Variants in HAMP observed in about 807,000 individuals in gnomAD.
The protein encoded by HAMP is hepcidin.
In HAMP, 5 loss-of-function variants were observed where a neutral mutation model predicts 7.8. The observed-to-expected ratio is 0.64, with a 90% CI of 0.33 to 1.34. The LOEUF (loss-of-function observed/expected upper bound fraction) is 1.34, where lower values mean the gene tolerates loss of function less well. Ranked by LOEUF, HAMP falls within the 40% of genes most tolerant of loss-of-function variation. HAMP has a pLI of 0.05. For missense variants in HAMP, 105 were observed against 104.1 expected (o/e 1.01, Z -0.04); for synonymous variants, 52 against 38.6 (o/e 1.35, Z -1.28).
chr19:35,283,167 C>T (rs938203985), intron 1 of HAMP: 9 of 213,642 alleles, frequency 4.2e-5, no homozygotes, highest in East Asian at 1.1e-4. Flanking sequence ...GGAACCCCTA[C>T]GCCGTGTGGA....
chr19:35,284,440 GTC>G, intron 1 of HAMP: 3 of 404,740 alleles, frequency 7.4e-6, no homozygotes, highest in Non-Finnish European at 1.4e-5. Flanking sequence ...GGAAGACTCT[GTC>G]TAAAAAACAA....
chr19:35,284,538 A>G lies in HAMP; in HGVS notation c.91-251A>G, dbSNP rs7251432. 281,814 of 581,420 alleles carry G rather than the reference A, an allele frequency of 0.48. 71,257 individuals carry two copies. The highest frequency in any genetic ancestry group is 0.53 in the Non-Finnish European group (171,976 of 325,692). 36.0% of individuals were successfully genotyped at this position (581,420 alleles called of 1,614,324 possible). A position where few individuals can be genotyped will look rare whatever the true frequency, so the allele number is the denominator to read the frequency against. ...TGTTAGGAGGCTGGCACTGGCATCC[A>G]GGCAGGGGAAGGTGATATCCCAAAG... On this transcript the variant is annotated intron_variant, in intron 1 of 2. Coordinates refer to ENST00000222304, the MANE Select transcript of HAMP (RefSeq NM_021175.4).
intron 1 of HAMP, 107 bp downstream of exon 1, chr19:35,282,774 T>G (rs1450907758): frequency 1.1e-6 from 1 of 883,214 alleles, no homozygotes; most frequent in Non-Finnish European, 1.9e-6. Flanking sequence ...GCTCAGGACG[T>G]CTCAGGAGTA....
intron 1 of HAMP, chr19:35,282,903 G>T (rs1203399228): frequency 9.9e-6 from 5 of 504,080 alleles, no homozygotes; most frequent in African/African-American, 9.7e-5. Context: ...TGGCCAACAT[G>T]GTAAAACCCC....
intron 1 of HAMP, chr19:35,283,221 T>C: frequency 8.6e-5 from 15 of 174,354 alleles, no homozygotes; most frequent in South Asian, 6.6e-4. Context: ...ACAAGGTAGA[T>C]GAGAGAGGAG....
chr19:35,284,826 C>T lies in HAMP; in HGVS notation c.128C>T (p.Ala43Val), dbSNP rs145850917. The change falls in exon 2 of 3, where the codon GCT (alanine) becomes GTT (valine). Residue 43 changes from alanine to valine, a missense_variant. By Grantham distance (64) the Ala-to-Val change is moderately conservative. Transcript: ENST00000222304. ...QLAELQPQDR[A>V]GARASWMPMF... Reference sequence around the variant, plus strand: ...GCAGAGCTGCAACCCCAGGACAGAGCTGGAGCCAGGGCCAGCTGGATGGTG... The same window carrying T: ...GCAGAGCTGCAACCCCAGGACAGAGTTGGAGCCAGGGCCAGCTGGATGGTG... The T allele has an allele frequency of 2.1e-5, 34 of 1,613,894 alleles. No homozygotes were observed. In the African/African-American group the frequency reaches 4.3e-4, roughly 20 times the overall value.
chr19:35,283,815 G>A (rs1428673402), intron 1 of HAMP: 2 of 149,194 alleles, frequency 1.3e-5, no homozygotes, highest in Admixed American at 1.3e-4. Flanking sequence ...TTTTTTCTGA[G>A]ATAGGGTCTC....
chr19:35,285,038 C>G lies in HAMP; in HGVS notation c.251C>G (p.Thr84Arg). ...HRSKCGMCCK[T>R] is the part of the protein sequence containing the mutation. ...TCAAAGTGTGGGATGTGCTGCAAGA[C>G]GTAGAACCTACCTGCCCTGCCCCCG... is the stretch of plus-strand genomic sequence containing the variant. Residue 84 changes from threonine (T) to arginine (R), a missense_variant, in exon 3 of 3, where the codon ACG becomes AGG. Transcript: ENST00000222304. The G allele has an allele frequency of 6.2e-7, 1 of 1,602,996 alleles. No individual in the cohort carries two copies. Among genetic ancestry groups the G allele is most frequent in the Non-Finnish European group, 8.5e-7 (1 of 1,169,872 alleles).
At position 35,282,651 on chromosome 19, in the gene HAMP, C is replaced by T. The variant is rs1449917230; in HGVS notation, c.74C>T (p.Ser25Phe). ...LLLLASLTSG[S>F]VFPQQTGQLA... ...CTCCTCGCCAGCCTGACCAGTGGCT[C>T]TGTTTTCCCACAACAGGTGAGAGCC... Residue 25 changes from serine (S) to phenylalanine (F), a missense_variant, in exon 1 of 3, where the codon TCT (serine) becomes TTT (phenylalanine). Physicochemically the swap from Ser to Phe is radical, Grantham distance 155. Coordinates refer to ENST00000222304, the MANE Select transcript of HAMP (RefSeq NM_021175.4). 1 of 1,613,992 alleles carries T rather than the reference C, an allele frequency of 6.2e-7. No individual in the cohort carries two copies. The highest frequency in any genetic ancestry group is 1.1e-5 in the South Asian group (1 of 91,088).
intron 1 of HAMP, 28 bp from the exon 2 acceptor site, chr19:35,284,761 T>C (rs2066318432): frequency 1.3e-6 from 2 of 1,598,154 alleles, no homozygotes; most frequent in Non-Finnish European, 1.7e-6. Context: ...CCCCCTGCCA[T>C]CCTCTGCACC....
chr19:35,284,959 A>T lies in HAMP; in HGVS notation c.172A>T (p.Arg58Trp). The T allele has an allele frequency of 6.2e-7, 1 of 1,613,676 alleles. No individual in the cohort carries two copies. The highest frequency in any genetic ancestry group is 8.5e-7 in the Non-Finnish European group (1 of 1,179,698). ...SWMPMFQRRR[R>W]RDTHFPICIF... ...ACAGCCCATGTTCCAGAGGCGAAGG[A>T]GGCGAGACACCCACTTCCCCATCTG... Residue 58 changes from arginine to tryptophan, a missense_variant, in exon 3 of 3, where the codon AGG becomes TGG. Arg to Trp is a moderately radical substitution (Grantham distance 101). Transcript: ENST00000222304.
In HAMP at chr19:35,284,866, G is replaced by T; in HGVS notation, c.150+18G>T. ...GCTGGATGGTGAGCGCAACAGTGATGCCTTTCCTAGCCCCCTGCTCCCTCC... is the reference window on the plus strand; with the variant it reads ...GCTGGATGGTGAGCGCAACAGTGATTCCTTTCCTAGCCCCCTGCTCCCTCC... On this transcript the variant is annotated intron_variant, in intron 2 of 2. Coordinates refer to ENST00000222304, the MANE Select transcript of HAMP (RefSeq NM_021175.4). 7 of 1,610,558 alleles carry T rather than the reference G, an allele frequency of 4.3e-6. No individual in the cohort carries two copies. Among genetic ancestry groups the T allele is most frequent in the Non-Finnish European group, 5.9e-6 (7 of 1,176,788 alleles).
intron 1 of HAMP, 93 bp from the exon 2 acceptor site, chr19:35,284,696 T>C (rs2066318048): frequency 1.0e-6 from 1 of 955,012 alleles, no homozygotes; most frequent in African/African-American, 1.6e-5. Flanking sequence ...GCTCTGGGTT[T>C]AAACCACTTG....
Position 35,285,029 on chromosome 19 carries a change from G to C in HAMP, c.242G>C (p.Cys81Ser). ...TGTCATCGATCAAAGTGTGGGATGT[G>C]CTGCAAGACGTAGAACCTACCTGCC... ...GCCHRSKCGM[C>S]CKT Residue 81 changes from cysteine (C) to serine (S), a missense_variant, in exon 3 of 3, where the codon TGC becomes TCC. Transcript: ENST00000222304. The C allele has an allele frequency of 6.2e-7, 1 of 1,611,460 alleles. No homozygotes were observed.
chr19:35,285,071 C>T lies in HAMP; in HGVS notation c.*29C>T. On this transcript the variant is annotated 3_prime_UTR_variant, in exon 3 of 3. Coordinates refer to ENST00000222304, the MANE Select transcript of HAMP (RefSeq NM_021175.4). ...CTACCTGCCCTGCCCCCGTCCCCTC[C>T]CTTCCTTATTTATTCCTGCTGCCCC... 7.2e-7 allele frequency: 1 copy of T among 1,394,256 alleles called. No homozygotes were observed. The highest frequency in any genetic ancestry group is 1.0e-6 in the Non-Finnish European group (1 of 978,970). 86.4% of individuals were successfully genotyped at this position (1,394,256 alleles called of 1,614,324 possible). A position where few individuals can be genotyped will look rare whatever the true frequency, so the allele number is the denominator to read the frequency against.
rs557063658 is a variant in HAMP at position 35,282,665 on chromosome 19, C to A, written c.88C>A (p.Gln30Lys). 5.0e-6 allele frequency: 8 copies of A among 1,612,384 alleles called. No homozygotes were observed. The South Asian group carries it at 7.7e-5, about 15-fold the overall frequency. The change falls in exon 1 of 3, where the codon CAG becomes AAG. Residue 30 changes from glutamine to lysine, a missense_variant and splice_region_variant. Physicochemically the swap from Gln to Lys is moderately conservative, Grantham distance 53 (BLOSUM62 1). Transcript: ENST00000222304. ...GACCAGTGGCTCTGTTTTCCCACAACAGGTGAGAGCCCAGTGGCCTGGGTC... is the reference window on the plus strand; with the variant it reads ...GACCAGTGGCTCTGTTTTCCCACAAAAGGTGAGAGCCCAGTGGCCTGGGTC... ...SLTSGSVFPQ[Q>K]TGQLAELQPQ...
chr19:35,284,827 T>C lies in HAMP; in HGVS notation c.129T>C (p.Ala43=), dbSNP rs1404652419. 1 of 1,614,046 alleles carries C rather than the reference T, an allele frequency of 6.2e-7. No homozygotes were observed. Among genetic ancestry groups the C allele is most frequent in the East Asian group, 2.2e-5 (1 of 44,880 alleles). The change falls in exon 2 of 3, where the codon GCT becomes GCC. Residue 43 remains alanine (A), a synonymous_variant. Transcript: ENST00000222304. ...QLAELQPQDR[A]GARASWMPMF... ...CAGAGCTGCAACCCCAGGACAGAGC[T>C]GGAGCCAGGGCCAGCTGGATGGTGA...
chr19:35,284,772 C>T lies in HAMP; in HGVS notation c.91-17C>T. 6.2e-7 allele frequency: 1 copy of T among 1,609,806 alleles called. No individual in the cohort carries two copies. The highest frequency in any genetic ancestry group is 8.5e-7 in the Non-Finnish European group (1 of 1,176,134). On this transcript the variant is annotated splice_polypyrimidine_tract_variant and intron_variant, in intron 1 of 2. Transcript: ENST00000222304. ...TGGGCCCCCTGCCATCCTCTGCACC[C>T]CCTTCTGCTTTCACAGACGGGACAA...
intron 1 of HAMP, chr19:35,284,331 G>T: frequency 5.0e-6 from 1 of 199,484 alleles, no homozygotes; most frequent in Non-Finnish European, 1.0e-5. Flanking sequence ...TGCTGTCCCA[G>T]CTACTCGGGA....
Sources: allele counts gnomAD v4.1 joint callset, GRCh38; gene constraint gnomAD v4.1.1; transcripts MANE v1.5; gene names NCBI Gene and HGNC (gene_info 2026-07-23, HGNC 2026-07-21).